Variants in FANCC observed in about 807,000 individuals in gnomAD.
The protein encoded by FANCC is Fanconi anemia group C protein.
A neutral mutation model predicts 71.3 loss-of-function variants in FANCC; 55 were observed. That is an observed-to-expected ratio of 0.77 (90% CI 0.62 to 0.97). The LOEUF (loss-of-function observed/expected upper bound fraction) is 0.97. Ranked by LOEUF, FANCC falls within the 50% of genes least tolerant of loss-of-function variation. FANCC has a pLI of 0.00. For synonymous variants in FANCC, 275 were observed against 244.9 expected (o/e 1.12, Z -1.15); for missense variants, 678 against 670.9 (o/e 1.01, Z -0.12).
intron 4 of FANCC, among the ~76,000 whole-genome samples, chr9:95,173,050 T>G (rs1825782638): frequency 6.6e-6 from 1 of 152,176 alleles, no homozygotes; most frequent in Admixed American, 6.6e-5. Context: ...AGATAATTCA[T>G]AAAATACAAA....
intron 4 of FANCC, among the ~76,000 whole-genome samples, chr9:95,173,394 G>A (rs187336107): frequency 6.6e-6 from 1 of 152,142 alleles, no homozygotes; most frequent in African/African-American, 2.4e-5. Flanking sequence ...GGCTAACAGA[G>A]GCCCTGCCTT....
At chr9:95,111,914 C>G (rs552306430) in intron 12 of FANCC, among the ~76,000 whole-genome samples, 4 of 152,246 alleles carry the variant, frequency 2.6e-5, no homozygotes, top group African/African-American at 9.6e-5. Context: ...AGGACAGGCA[C>G]TGAAGAAGGA....
intron 4 of FANCC, among the ~76,000 whole-genome samples, chr9:95,176,947 T>C (rs1826045218): frequency 6.6e-6 from 1 of 152,204 alleles, no homozygotes; most frequent in African/African-American, 2.4e-5. Flanking sequence ...CAATACTGTA[T>C]GAGCTCCGTC....
intron 7 of FANCC, among the ~76,000 whole-genome samples, chr9:95,145,766 C>A (rs1249302816): frequency 1.3e-5 from 2 of 152,176 alleles, no homozygotes; most frequent in Non-Finnish European, 2.9e-5. Context: ...AAGGGAACCA[C>A]CTAAGCCCAC....
chr9:95,310,889 T>C (rs1278887824), intron 1 of FANCC, among the ~76,000 whole-genome samples: 4 of 152,108 alleles, frequency 2.6e-5, no homozygotes, highest in African/African-American at 7.2e-5. Context: ...GGCAATAATA[T>C]GAACTGCAGT....
chr9:95,272,812 T>A (rs545462427), intron 1 of FANCC, among the ~76,000 whole-genome samples: 44 of 152,338 alleles, frequency 2.9e-4, no homozygotes, highest in African/African-American at 1.0e-3. Flanking sequence ...GGGATAGGCA[T>A]ATTTATTTCA....
At chr9:95,291,947 C>CAAAAAAA (rs775436297) in intron 1 of FANCC, among the ~76,000 whole-genome samples, 4 of 40,828 alleles carry the variant, frequency 9.8e-5, no homozygotes, top group East Asian at 7.4e-4. Context: ...GACTCTGTCT[C>CAAAAAAA]AAAAAAAAAA....
At chr9:95,197,648 T>C (rs1487915814) in intron 4 of FANCC, among the ~76,000 whole-genome samples, 1 of 152,214 alleles carries the variant, frequency 6.6e-6, no homozygotes, top group Non-Finnish European at 1.5e-5. Context: ...ATCATGCTTA[T>C]CTTGCACATG....
intron 4 of FANCC, among the ~76,000 whole-genome samples, chr9:95,203,330 G>A (rs1401524387): frequency 1.3e-5 from 2 of 150,020 alleles, no homozygotes; most frequent in Non-Finnish European, 3.0e-5. Context: ...GCCCAGAGCT[G>A]GAGGGCACTT....
Position 95,114,616 on chromosome 9 carries a change from AG to A in FANCC, c.1154+12del. On this transcript the variant is annotated intron_variant, in intron 12 of 14. Transcript: ENST00000289081. ...GTGTGAAGTAGATTTGGGAGTGGTC[AG>A]TGTTTGCTCACCCATGAGTCTGGTC... 1 of 1,610,846 alleles carries A rather than the reference AG, an allele frequency of 6.2e-7. No homozygotes were observed. The highest frequency in any genetic ancestry group is 8.5e-7 in the Non-Finnish European group (1 of 1,176,946).
At chr9:95,243,628 C>T (rs929351481) in intron 3 of FANCC, among the ~76,000 whole-genome samples, 1 of 136,198 alleles carries the variant, frequency 7.3e-6, no homozygotes, top group Admixed American at 7.5e-5. Context: ...ACTAAAAATA[C>T]AAAAAAAAAA....
rs2071060009 is a variant in FANCC at position 95,101,187 on chromosome 9, A to C, written c.*520T>G. 1 of 253,822 alleles carries C rather than the reference A, an allele frequency of 3.9e-6. No homozygotes were observed. Among genetic ancestry groups the C allele is most frequent in the African/African-American group, 2.2e-5 (1 of 45,764 alleles). 15.7% of individuals were successfully genotyped at this position (253,822 alleles called of 1,614,324 possible). A position where few individuals can be genotyped will look rare whatever the true frequency, so the allele number is the denominator to read the frequency against. On this transcript the variant is annotated 3_prime_UTR_variant, in exon 15 of 15. Transcript: ENST00000289081. ...TGTCAGGCAGGTCCAGGGAGACACA[A>C]GGGAAGCCTGAGGGACCCTGACTCC...
At chr9:95,110,696 C>T in intron 13 of FANCC, 1 of 1,057,502 alleles carries the variant, frequency 9.5e-7, no homozygotes, top group Non-Finnish European at 1.1e-6. Flanking sequence ...AAGCAGGGCT[C>T]TATACAAAAT....
Position 95,099,195 on chromosome 9 carries a change from A to G in FANCC, c.*2512T>C. Reference sequence around the variant, plus strand: ...GAGGGGCGCTCTCCGCCTCTTCTGTATTTTTGGCTCTCTCTGAGGGTAGTG... The same window carrying G: ...GAGGGGCGCTCTCCGCCTCTTCTGTGTTTTTGGCTCTCTCTGAGGGTAGTG... On this transcript the variant is annotated 3_prime_UTR_variant, in exon 15 of 15. Coordinates refer to ENST00000289081, the MANE Select transcript of FANCC (RefSeq NM_000136.3). 1 of 216,964 alleles carries G rather than the reference A, an allele frequency of 4.6e-6. No homozygotes were observed. 13.4% of individuals were successfully genotyped at this position (216,964 alleles called of 1,614,324 possible).
At chr9:95,303,422 G>A (rs1292490947) in intron 1 of FANCC, among the ~76,000 whole-genome samples, 1 of 152,202 alleles carries the variant, frequency 6.6e-6, no homozygotes, top group Non-Finnish European at 1.5e-5. Flanking sequence ...TGCAACGCAT[G>A]CAGTTCACCT....
chr9:95,269,707 C>A (rs1832608624), intron 1 of FANCC, among the ~76,000 whole-genome samples: 15 of 152,076 alleles, frequency 9.9e-5, no homozygotes, highest in Admixed American at 9.8e-4. Flanking sequence ...TACATTCCAG[C>A]CTGGTTATCA....
intron 6 of FANCC, among the ~76,000 whole-genome samples, chr9:95,151,934 A>G: frequency 6.6e-6 from 1 of 152,076 alleles, no homozygotes; most frequent in African/African-American, 2.4e-5. Context: ...TCTCAAAAAA[A>G]AAAAAACAAA....
At chr9:95,301,335 T>C (rs1169427311) in intron 1 of FANCC, among the ~76,000 whole-genome samples, 1 of 152,176 alleles carries the variant, frequency 6.6e-6, no homozygotes, top group Non-Finnish European at 1.5e-5. Context: ...TATCATAACA[T>C]TTTTGTACAA....
chr9:95,271,560 C>T (rs759203513), intron 1 of FANCC, among the ~76,000 whole-genome samples: 1 of 152,198 alleles, frequency 6.6e-6, no homozygotes, highest in African/African-American at 2.4e-5. Context: ...TCAGTTTTCA[C>T]ACTTTTGGCC....
Sources: allele counts gnomAD v4.1 joint callset (sites outside exome capture counted in the v4.1 genomes callset), GRCh38; gene constraint gnomAD v4.1.1; transcripts MANE v1.5; gene names NCBI Gene and HGNC (gene_info 2026-07-23, HGNC 2026-07-21).